PLXNC1: variants seen among roughly 807,000 people sequenced by gnomAD.
PLXNC1 encodes the protein plexin C1, also known as plexin-C1.
A neutral mutation model predicts 178.2 loss-of-function variants in PLXNC1; 75 were observed. The observed-to-expected ratio is 0.42, with a 90% CI of 0.35 to 0.51. The LOEUF is 0.51. PLXNC1 is among the 20% of genes least tolerant of loss of function. PLXNC1 has a pLI of 0.02. For missense variants in PLXNC1, 1,503 were observed against 1,984.4 expected (o/e 0.76, Z 4.61); for synonymous variants, 790 against 779.9 (o/e 1.01, Z -0.22).
intron 21 of PLXNC1, among the ~76,000 whole-genome samples, chr12:94,268,432 C>CAGGCTGGTGTTT (rs1965372677): frequency 6.6e-6 from 1 of 152,080 alleles, no homozygotes; most frequent in African/African-American, 2.4e-5. Context: ...TCAAGCATTC[C>CAGGCTGGTGTTT]AGGCTGGTGT....
intron 3 of PLXNC1, among the ~76,000 whole-genome samples, chr12:94,182,417 CAAAAAAAAAAAAA>C (rs10596280): frequency 6.9e-5 from 3 of 43,400 alleles, no homozygotes; most frequent in African/African-American, 1.8e-4. Context: ...GACCCTGTCT[CAAAAAAAAAAAAA>C]AAAAAAAAAA....
At chr12:94,174,211 G>A (rs901634147) in intron 2 of PLXNC1, among the ~76,000 whole-genome samples, 3 of 151,866 alleles carry the variant, frequency 2.0e-5, no homozygotes, top group African/African-American at 7.3e-5. Flanking sequence ...TTGAGCCAAG[G>A]TCTGGCTCTG....
chr12:94,172,400 C>G (rs1961879110), intron 2 of PLXNC1, among the ~76,000 whole-genome samples: 1 of 152,192 alleles, frequency 6.6e-6, no homozygotes, highest in African/African-American at 2.4e-5. Context: ...AACCTGACTT[C>G]TTAAATCTCT....
chr12:94,274,990 G>A (rs73228180), intron 21 of PLXNC1, among the ~76,000 whole-genome samples: 9,389 of 152,244 alleles, frequency 0.062, 333 homozygotes, highest in Admixed American at 0.07. Context: ...TAGTGATCCT[G>A]TCACTCCTTT....
intron 9 of PLXNC1, 45 bp downstream of exon 9, chr12:94,227,280 A>AATGACC (rs1174811412): frequency 8.7e-7 from 1 of 1,148,226 alleles, no homozygotes; most frequent in Non-Finnish European, 1.3e-6. Context: ...CCTGTCTTTG[A>AATGACC]ATGACCATGA....
rs1411651633 is a variant in PLXNC1 at position 94,243,997 on chromosome 12, T to C, written c.2360T>C (p.Ile787Thr). 6.3e-7 allele frequency: 1 copy of C among 1,593,946 alleles called. No individual in the cohort carries two copies. The highest frequency in any genetic ancestry group is 8.6e-7 in the Non-Finnish European group (1 of 1,163,400). Residue 787 changes from isoleucine (I) to threonine (T), a missense_variant, in exon 12 of 31, where the codon ATT becomes ACT. Coordinates refer to ENST00000258526, the MANE Select transcript of PLXNC1 (RefSeq NM_005761.3). Reference protein sequence around the residue: ...RNFDVIDNLIISHELKGNINV... With the variant: ...RNFDVIDNLITSHELKGNINV... ...TTTGATGTAATTGACAACTTAATCA[T>C]TTCACATGAATTAAAAGGAAACATA...
At position 94,179,013 on chromosome 12, in the gene PLXNC1, C is replaced by T. The variant is rs1295815273; in HGVS notation, c.1204-2433C>T. On this transcript the variant is annotated intron_variant, in intron 2 of 30. Coordinates refer to ENST00000258526, the MANE Select transcript of PLXNC1 (RefSeq NM_005761.3). The stretch of plus-strand genomic sequence containing the variant: ...AGGGCTTCAAGTGAGCCACTATTTG[C>T]ACCAAATCCACCTGGGCTTGGCCCA... 2.0e-5 allele frequency among the ~76,000 whole-genome samples: 3 copies of T among 152,200 alleles called. No individual in the cohort carries two copies. The South Asian group carries it at 6.2e-4, about 31-fold the overall frequency.
intron 5 of PLXNC1, among the ~76,000 whole-genome samples, chr12:94,214,080 C>T (rs1963572437): frequency 7.8e-6 from 1 of 127,840 alleles, no homozygotes; most frequent in Non-Finnish European, 1.7e-5. Flanking sequence ...AGAGGAGAGA[C>T]ACTAGAAACT....
chr12:94,149,013 C>T lies in PLXNC1; in HGVS notation c.42C>T (p.Arg14=), dbSNP rs1393548605. ...SRRKAPPRPP[R]PAAPLPLLAY... ...GGAAGGCGCCGCCGCGCCCCCCGCGCCCCGCAGCGCCACTGCCCCTGCTCG... is the reference window on the plus strand; with the variant it reads ...GGAAGGCGCCGCCGCGCCCCCCGCGTCCCGCAGCGCCACTGCCCCTGCTCG... Residue 14 remains arginine (R), a synonymous_variant, in exon 1 of 31, where the codon CGC becomes CGT. Coordinates refer to ENST00000258526, the MANE Select transcript of PLXNC1 (RefSeq NM_005761.3). 7 of 1,472,678 alleles carry T rather than the reference C, an allele frequency of 4.8e-6. No homozygotes were observed. The highest frequency in any genetic ancestry group is 5.4e-6 in the Non-Finnish European group (6 of 1,120,208). The allele number at this position is 1,472,678 out of a possible 1,614,324, so 91.2% of individuals were successfully genotyped here.
At chr12:94,206,186 AAACAGTG>A (rs760000252) in intron 4 of PLXNC1, among the ~76,000 whole-genome samples, 29 of 152,238 alleles carry the variant, frequency 1.9e-4, no homozygotes, top group Non-Finnish European at 3.8e-4. Context: ...CTAAGTTTTC[AAACAGTG>A]AACTTAGAAA....
chr12:94,285,486 G>C (rs1017795118), intron 23 of PLXNC1, among the ~76,000 whole-genome samples: 6 of 152,186 alleles, frequency 3.9e-5, no homozygotes, highest in African/African-American at 1.4e-4. Flanking sequence ...CTAGCAACTT[G>C]CCCCGTGCTC....
intron 7 of PLXNC1, 95 bp from the exon 8 acceptor site, chr12:94,226,510 T>C: frequency 2.5e-6 from 2 of 794,414 alleles, no homozygotes; most frequent in Non-Finnish European, 4.2e-6. Flanking sequence ...TTTTGCCTTC[T>C]TTTAAATGCT....
At chr12:94,246,062 G>T (rs1159092643) in intron 12 of PLXNC1, among the ~76,000 whole-genome samples, 1 of 152,188 alleles carries the variant, frequency 6.6e-6, no homozygotes, top group Admixed American at 6.5e-5. Flanking sequence ...AAAGGCTTCG[G>T]TGTCCTGTCT....
intron 24 of PLXNC1, among the ~76,000 whole-genome samples, chr12:94,295,288 T>C (rs1005588244): frequency 2.6e-5 from 4 of 152,210 alleles, no homozygotes; most frequent in African/African-American, 7.2e-5. Context: ...TGTGGGGTTC[T>C]TGATTATACA....
Position 94,259,743 on chromosome 12 carries a change from C to A in PLXNC1, c.3251+9C>A. The A allele has an allele frequency of 6.3e-7, 1 of 1,594,062 alleles. No homozygotes were observed. Among genetic ancestry groups the A allele is most frequent in the Non-Finnish European group, 8.5e-7 (1 of 1,173,330 alleles). On this transcript the variant is annotated intron_variant, in intron 19 of 30. Transcript: ENST00000258526. Reference sequence around the variant, plus strand: ...TTTTCTGTGAAGGACAGGTATTAGTCCATTCTTTGATGTTTTAAAAGCCTT... The same window carrying A: ...TTTTCTGTGAAGGACAGGTATTAGTACATTCTTTGATGTTTTAAAAGCCTT...
intron 2 of PLXNC1, among the ~76,000 whole-genome samples, chr12:94,170,481 A>C (rs1961802748): frequency 6.6e-6 from 1 of 152,126 alleles, no homozygotes; most frequent in Admixed American, 6.5e-5. Flanking sequence ...TTATGTGTCT[A>C]TGCTGTGGCT....
rs1009764110 is a variant in PLXNC1 at position 94,245,846 on chromosome 12, C to T, written c.2388+1821C>T. Among the ~76,000 whole-genome samples the T allele has an allele frequency of 5.3e-5, 8 of 152,242 alleles. No homozygotes were observed. In the South Asian group the frequency reaches 1.7e-3, roughly 32 times the overall value. ...ACTGAGCTGGGGCCACAAAAAGCAG[C>T]GTCAGACTGAAAACTTTGCCCTTAA... On this transcript the variant is annotated intron_variant, in intron 12 of 30. Coordinates refer to ENST00000258526, the MANE Select transcript of PLXNC1 (RefSeq NM_005761.3).
intron 2 of PLXNC1, among the ~76,000 whole-genome samples, chr12:94,179,597 T>A (rs1962228371): frequency 6.6e-6 from 1 of 151,802 alleles, no homozygotes; most frequent in East Asian, 1.9e-4. Flanking sequence ...AAAAATTAGC[T>A]GGGTGTGGTG....
At position 94,149,115 on chromosome 12, in the gene PLXNC1, C is replaced by T. The variant is rs780421175; in HGVS notation, c.144C>T (p.Ala48=). 5.0e-6 allele frequency: 8 copies of T among 1,587,136 alleles called. No individual in the cohort carries two copies. The highest frequency in any genetic ancestry group is 5.1e-6 in the Non-Finnish European group (6 of 1,172,278). ...GGCGGTCGGAGCAAGCCATCGGAGCCATCGCGGCGAGCCAGGAGGACGGCG... is the reference window on the plus strand; with the variant it reads ...GGCGGTCGGAGCAAGCCATCGGAGCTATCGCGGCGAGCCAGGAGGACGGCG... ...PVWRSEQAIG[A]IAASQEDGVF... is the part of the protein sequence containing the mutation. Residue 48 remains alanine (A), a synonymous_variant, in exon 1 of 31, where the codon GCC becomes GCT. Transcript: ENST00000258526.
Sources: allele counts gnomAD v4.1 joint callset (sites outside exome capture counted in the v4.1 genomes callset), GRCh38; gene constraint gnomAD v4.1.1; transcripts MANE v1.5; gene names NCBI Gene and HGNC (gene_info 2026-07-23, HGNC 2026-07-21).